TAL1: variants seen among roughly 807,000 people sequenced by gnomAD.
TAL1 encodes T-cell acute lymphocytic leukemia protein 1.
Under a neutral mutation model 17.9 loss-of-function variants are expected in TAL1, and 8 were observed. That is an observed-to-expected ratio of 0.45 (90% CI 0.26 to 0.81). The LOEUF is 0.81. TAL1 is among the 30% of genes least tolerant of loss of function. The pLI is 0.17. For synonymous variants in TAL1, 223 were observed against 218.6 expected (o/e 1.02, Z -0.18); for missense variants, 466 against 486.9 (o/e 0.96, Z 0.40).
At chr1:47,231,557 G>T, upstream of TAL1, 1 of 233,974 alleles carries the variant, frequency 4.3e-6, no homozygotes, top group Non-Finnish European at 8.4e-6. Context: ...AAACGCAGCG[G>T]CTCACGGACA....
chr1:47,220,810 G>A (rs1643775314), intron 3 of TAL1, among the ~76,000 whole-genome samples: 2 of 152,188 alleles, frequency 1.3e-5, no homozygotes, highest in Non-Finnish European at 2.9e-5. Flanking sequence ...GAGGAATAAT[G>A]GTGAACTAAA....
At chr1:47,224,573 A>T (rs1643879741) in intron 2 of TAL1, among the ~76,000 whole-genome samples, 3 of 152,140 alleles carry the variant, frequency 2.0e-5, no homozygotes, top group Admixed American at 2.0e-4. Flanking sequence ...ACAAAGGGGC[A>T]CACTGTCCCC....
chr1:47,218,546 G>A (rs1230316567), exon 4 of TAL1: 7 of 232,904 alleles, frequency 3.0e-5, no homozygotes, highest in African/African-American at 1.3e-4. Context: ...GGTGTTTAAG[G>A]TTCTGCTAAG....
exon 4 of TAL1, chr1:47,219,661 G>A (rs767447788): frequency 1.3e-6 from 2 of 1,598,256 alleles, no homozygotes; most frequent in Non-Finnish European, 1.7e-6. Context: ...CTGCCCTGAA[G>A]CCCACCATCC....
chr1:47,219,937 G>T lies in TAL1; in HGVS notation c.779C>A (p.Pro260His), dbSNP rs762877734. 7 of 1,239,922 alleles carry T rather than the reference G, an allele frequency of 5.6e-6. No individual in the cohort carries two copies. In the South Asian group the frequency reaches 9.4e-5, roughly 17 times the overall value. The allele number at this position is 1,239,922 out of a possible 1,614,324, so 76.8% of individuals were successfully genotyped here. ...TCCACCCCCACCAGCCCCCACCACAGGGTCCTTGCCAGTCTTGGCCCGCTG... is the reference window on the plus strand; with the variant it reads ...TCCACCCCCACCAGCCCCCACCACATGGTCCTTGCCAGTCTTGGCCCGCTG... The change falls in exon 4 of 4, where the codon CCT becomes CAT. Residue 260 changes from proline (P) to histidine (H), a missense_variant. Physicochemically the swap from Pro to His is moderately conservative, Grantham distance 77. Coordinates refer to ENST00000294339, the Ensembl canonical transcript of TAL1.
At chr1:47,219,625 T>A (rs1219144589) in exon 4 of TAL1, 13 of 1,557,650 alleles carry the variant, frequency 8.3e-6, no homozygotes, top group Non-Finnish European at 1.0e-5. Context: ...CCGCCTTGCT[T>A]CAGAGCCGCC....
intron 1 of TAL1, chr1:47,228,728 A>ATGTT (rs1414280366): frequency 6.1e-6 from 1 of 164,620 alleles, no homozygotes; most frequent in Non-Finnish European, 1.3e-5. Context: ...ACCAGGGAAC[A>ATGTT]GCACCACCAT....
chr1:47,228,233 C>T (rs41289400), intron 1 of TAL1: 8 of 171,224 alleles, frequency 4.7e-5, no homozygotes, highest in Non-Finnish European at 7.6e-5. Flanking sequence ...AAAATCCTGC[C>T]GGTTTAGGAT....
At chr1:47,225,629 C>T in exon 2 of TAL1, 1 of 1,383,442 alleles carries the variant, frequency 7.2e-7, no homozygotes, top group Middle Eastern at 2.6e-4. Flanking sequence ...GGTGGGCACC[C>T]GATGGCGCGC....
At chr1:47,217,749 C>A in exon 4 of TAL1, 1 of 398,620 alleles carries the variant, frequency 2.5e-6, no homozygotes, top group Non-Finnish European at 4.4e-6. Flanking sequence ...ATCCACCCAT[C>A]CATACTGTGG....
Position 47,220,183 on chromosome 1 carries a change from TAGG to T in TAL1, c.542-12_542-10del, listed in dbSNP as rs1240902705. 6.5e-7 allele frequency: 1 copy of T among 1,539,612 alleles called. No individual in the cohort carries two copies. The highest frequency in any genetic ancestry group is 8.8e-7 in the Non-Finnish European group (1 of 1,137,562). ...AACTTTGGTGTGGGGACCTGGAGAT[TAGG>T]AGGACAAGAGTTAGGAGAATGGGCT... On this transcript the variant is annotated splice_polypyrimidine_tract_variant and intron_variant, in intron 3 of 3. Transcript: ENST00000294339.
Position 47,219,894 on chromosome 1 carries a change from G to GGCGCCCCCCCCCCCCCCCCCCCC in TAL1, c.821_822insGGGGGGGGGGGGGGGGGGGGCGC (p.Ala275GlyfsTer178). On this transcript the variant is annotated frameshift_variant, in exon 4 of 4. Transcript: ENST00000294339. LOFTEE classifies it high-confidence loss of function. ...CTTGCAGGAGGTCATCTGGGGGCGC[G>GGCGCCCCCCCCCCCCCCCCCCCC]CCGCCCCCTCCCCCACCTCCACCCC... 1.3e-6 allele frequency: 2 copies of GGCGCCCCCCCCCCCCCCCCCCCC among 1,556,028 alleles called. No individual in the cohort carries two copies. Among genetic ancestry groups the GGCGCCCCCCCCCCCCCCCCCCCC allele is most frequent in the Non-Finnish European group, 1.7e-6 (2 of 1,149,580 alleles).
intron 2 of TAL1, 35 bp downstream of exon 3, chr1:47,225,408 G>T (rs1643891506): frequency 8.3e-7 from 1 of 1,200,830 alleles, no homozygotes; most frequent in Non-Finnish European, 1.0e-6. Flanking sequence ...CTGCCCACCC[G>T]CCCAGCCCCT....
exon 3 of TAL1, chr1:47,224,054 TTGG>T: frequency 6.2e-7 from 1 of 1,613,856 alleles, no homozygotes; most frequent in Non-Finnish European, 8.5e-7. Context: ...CACTCGATTG[TTGG>T]TGGTGAACAT....
upstream of TAL1, chr1:47,230,803 C>A (rs1169060426): frequency 6.6e-6 from 1 of 152,206 alleles, no homozygotes; most frequent in African/African-American, 2.4e-5. Flanking sequence ...AAACAAAATT[C>A]TTTCAACCCG....
Position 47,225,900 on chromosome 1 carries a change from ACAG to A in TAL1, c.-1-14_-1-12del. ...GGCCGCTCGGTCATCCTGTGGGCAG[ACAG>A]ACAGACAAGCGGATGCCCGCTCTGA... On this transcript the variant is annotated splice_polypyrimidine_tract_variant and intron_variant, in intron 1 of 3. Coordinates refer to ENST00000294339, the Ensembl canonical transcript of TAL1. The A allele has an allele frequency of 3.4e-5, 14 of 415,158 alleles. No homozygotes were observed. Among genetic ancestry groups the A allele is most frequent in the Non-Finnish European group, 5.9e-5 (14 of 236,030 alleles). The allele number at this position is 415,158 out of a possible 1,614,324, so 25.7% of individuals were successfully genotyped here.
chr1:47,218,549 C>A (rs530947022), exon 4 of TAL1: 4 of 233,064 alleles, frequency 1.7e-5, no homozygotes, highest in South Asian at 1.8e-4. Context: ...GTTTAAGGTT[C>A]TGCTAAGTGA....
At position 47,225,587 on chromosome 1, in the gene TAL1, G is replaced by A. The variant is rs1479009648; in HGVS notation, c.302C>T (p.Pro101Leu). 9.3e-6 allele frequency: 12 copies of A among 1,287,586 alleles called. No homozygotes were observed. The highest frequency in any genetic ancestry group is 9.8e-6 in the Non-Finnish European group (10 of 1,024,824). The allele number at this position is 1,287,586 out of a possible 1,614,324, so 79.8% of individuals were successfully genotyped here. A position where few individuals can be genotyped will look rare whatever the true frequency, so the allele number is the denominator to read the frequency against. ...TGTAACCGAGGCGGGCGCGGGGGCC[G>A]GGGCGGGCCCGGGAGGTCTGCACAG... Residue 101 changes from proline to leucine, a missense_variant, in exon 2 of 4, where the codon CCG becomes CTG. By Grantham distance (98) the Pro-to-Leu change is moderately conservative. Coordinates refer to ENST00000294339, the Ensembl canonical transcript of TAL1.
chr1:47,222,542 T>TGCATTAGTTCTA (rs1553164544), intron 3 of TAL1, among the ~76,000 whole-genome samples: 2 of 152,166 alleles, frequency 1.3e-5, no homozygotes, highest in African/African-American at 4.8e-5. Context: ...CTCTAGATCT[T>TGCATTAGTTCTA]GCATTAGTTC....
Sources: gnomAD v4.1 joint callset for allele counts (sites outside exome capture counted in the v4.1 genomes callset) on GRCh38, gnomAD v4.1.1 for gene constraint, MANE v1.5 for transcripts, NCBI Gene and HGNC (gene_info 2026-07-23, HGNC 2026-07-21) for gene names.